The following CACNB3 variants were observed in gnomAD, a reference collection of about 807,000 sequenced individuals.
CACNB3 encodes the protein calcium voltage-gated channel auxiliary subunit beta 3.
A neutral mutation model predicts 63.7 loss-of-function variants in CACNB3; 36 were observed. That is an observed-to-expected ratio of 0.57 (90% CI 0.43 to 0.75). The LOEUF (loss-of-function observed/expected upper bound fraction) is 0.75. Ranked by LOEUF, CACNB3 falls within the 30% of genes least tolerant of loss-of-function variation. CACNB3 has a pLI of 0.00. For synonymous variants in CACNB3, 241 were observed against 250.6 expected, an observed-to-expected ratio of 0.96 and a Z score of 0.36; for missense variants, 493 against 648.6, an observed-to-expected ratio of 0.76 and a Z score of 2.61.
At position 48,823,642 on chromosome 12, in the gene CACNB3, G is replaced by T. The variant is rs773568601; in HGVS notation, c.169-39G>T. 6.2e-7 allele frequency: 1 copy of T among 1,613,716 alleles called. No individual in the cohort carries two copies. The highest frequency in any genetic ancestry group is 1.7e-5 in the Admixed American group (1 of 59,962). ...GCACTGAAGCTGGAAGGGGTGCTTC[G>T]AGCCTTCTCTCACTTGCACTAATGG... On this transcript the variant is annotated intron_variant, in intron 2 of 12. Coordinates refer to ENST00000301050, the MANE Select transcript of CACNB3 (RefSeq NM_000725.4). This position sits in a 1 kb window ranked among gnomAD's most constrained non-coding sequence, Gnocchi z 4.2.
At chr12:48,827,520 G>A (rs761447167) in intron 12 of CACNB3, 65 bp from the exon 13 acceptor site, 29 of 1,412,506 alleles carry the variant, frequency 2.1e-5, no homozygotes, top group African/African-American at 2.8e-5. Context: ...GAAGAATCTC[G>A]CACCTCACCA....
upstream of CACNB3, chr12:48,817,910 G>C (rs1565662597): frequency 6.6e-6 from 1 of 152,318 alleles, no homozygotes; most frequent in Non-Finnish European, 1.5e-5. Context: ...CAGGGAAGTG[G>C]GGAAGGGAAC....
At chr12:48,819,177 G>A (rs552447385) in intron 1 of CACNB3, among the ~76,000 whole-genome samples, 1 of 152,064 alleles carries the variant, frequency 6.6e-6, no homozygotes, top group Non-Finnish European at 1.5e-5. Flanking sequence ...GGCATCGGGT[G>A]TGTGCAGAGA....
intron 1 of CACNB3, chr12:48,819,571 C>G: frequency 2.5e-6 from 1 of 393,728 alleles, no homozygotes; most frequent in Non-Finnish European, 5.1e-6. Flanking sequence ...GTTTCTCTCC[C>G]AGGCTGAAAC....
chr12:48,824,902 CT>C, intron 5 of CACNB3, 46 bp from the exon 6 acceptor site: 4 of 1,610,790 alleles, frequency 2.5e-6, no homozygotes, highest in Non-Finnish European at 2.5e-6. Flanking sequence ...CCCCAGGGAC[CT>C]TTCCCCCTTC....
chr12:48,826,989 A>T lies in CACNB3; in HGVS notation c.1006A>T (p.Ile336Phe). 1 of 1,614,074 alleles carries T rather than the reference A, an allele frequency of 6.2e-7. No individual in the cohort carries two copies. Among genetic ancestry groups the T allele is most frequent in the Non-Finnish European group, 8.5e-7 (1 of 1,180,012 alleles). Residue 336 changes from isoleucine to phenylalanine, a missense_variant, in exon 12 of 13, where the codon ATT becomes TTT. By Grantham distance (21) the Ile-to-Phe change is conservative (BLOSUM62 0). Coordinates refer to ENST00000301050, the MANE Select transcript of CACNB3 (RefSeq NM_000725.4). The surrounding 1 kb of genome is among the most constrained non-coding windows in gnomAD (Gnocchi z 4.8). ...CCCTCCCCAGGAGTCATTTGATGTGATTCTGGATGAGAACCAGCTGGAGGA... is the reference window on the plus strand; with the variant it reads ...CCCTCCCCAGGAGTCATTTGATGTGTTTCTGGATGAGAACCAGCTGGAGGA... ...VQCPPESFDV[I>F]LDENQLEDAC...
chr12:48,826,988 G>T lies in CACNB3; in HGVS notation c.1005G>T (p.Val335=), dbSNP rs781074066. Residue 335 remains valine, a synonymous_variant, in exon 12 of 13, where the codon GTG becomes GTT. Transcript: ENST00000301050. This position sits in a 1 kb window ranked among gnomAD's most constrained non-coding sequence, Gnocchi z 4.8. ...CCCCTCCCCAGGAGTCATTTGATGT[G>T]ATTCTGGATGAGAACCAGCTGGAGG... The part of the protein sequence containing the change: ...LVQCPPESFD[V]ILDENQLEDA... 1 of 1,614,092 alleles carries T rather than the reference G, an allele frequency of 6.2e-7. No individual in the cohort carries two copies. The highest frequency in any genetic ancestry group is 1.1e-5 in the South Asian group (1 of 91,080).
upstream of CACNB3, chr12:48,814,571 T>G: frequency 6.6e-7 from 1 of 1,505,052 alleles, no homozygotes; most frequent in Non-Finnish European, 8.8e-7. The surrounding 1 kb of genome is among the most constrained non-coding windows in gnomAD (Gnocchi z 6.9). Context: ...CGGGCTAGGG[T>G]CCCGGAAGGG....
chr12:48,823,065 G>T lies in CACNB3; in HGVS notation c.46-279G>T, dbSNP rs1937938600. Among the ~76,000 whole-genome samples, 1 of 152,182 alleles carries T rather than the reference G, an allele frequency of 6.6e-6. No individual in the cohort carries two copies. The highest frequency in any genetic ancestry group is 1.5e-5 in the Non-Finnish European group (1 of 68,042). Reference sequence around the variant, plus strand: ...GACATGTTAGAGGGGAGAAAAGGGAGGAAAGAGAGAAGTGAAGGCTCTATT... The same window carrying T: ...GACATGTTAGAGGGGAGAAAAGGGATGAAAGAGAGAAGTGAAGGCTCTATT... On this transcript the variant is annotated intron_variant, in intron 1 of 12. Coordinates refer to ENST00000301050, the MANE Select transcript of CACNB3 (RefSeq NM_000725.4). This position sits in a 1 kb window ranked among gnomAD's most constrained non-coding sequence, Gnocchi z 4.2.
chr12:48,827,529 C>G, intron 12 of CACNB3, 56 bp from the exon 13 acceptor site: 2 of 1,505,058 alleles, frequency 1.3e-6, no homozygotes, highest in Non-Finnish European at 1.8e-6. Context: ...CGCACCTCAC[C>G]AGAAGACAAG....
chr12:48,827,061 A>G lies in CACNB3; in HGVS notation c.1078A>G (p.Thr360Ala), dbSNP rs1316277352. 4 of 1,613,470 alleles carry G rather than the reference A, an allele frequency of 2.5e-6. No individual in the cohort carries two copies. The highest frequency in any genetic ancestry group is 2.2e-5 in the South Asian group (2 of 91,056). Residue 360 changes from threonine to alanine, a missense_variant, in exon 12 of 13, where the codon ACG (threonine) becomes GCG (alanine). Thr to Ala is a moderately conservative substitution (Grantham distance 58, BLOSUM62 0). Transcript: ENST00000301050. The stretch of plus-strand genomic sequence containing the variant: ...GTACCTGGAGGTTTACTGGCGGGCC[A>G]CGCACCACCCAGCCCCTGGCCCCGG... ...AEYLEVYWRA[T>A]HHPAPGPGLL...
upstream of CACNB3, chr12:48,815,521 G>C: frequency 1.4e-6 from 2 of 1,455,348 alleles, no homozygotes; most frequent in Non-Finnish European, 1.8e-6. Context: ...GGAGGAGAAA[G>C]AGGGAGGGAA....
At chr12:48,821,609 CA>C (rs1227536722) in intron 1 of CACNB3, 3 of 152,180 alleles carry the variant, frequency 2.0e-5, no homozygotes, top group Non-Finnish European at 4.4e-5. Context: ...GTATCTGTAC[CA>C]AAGCGAGTGG....
chr12:48,824,037 C>A, intron 3 of CACNB3: 2 of 672,220 alleles, frequency 3.0e-6, no homozygotes, highest in African/African-American at 1.8e-5. Flanking sequence ...GTTAGATTAG[C>A]TGCCTCCGAG....
In CACNB3 at chr12:48,823,685, A is replaced by G; in HGVS notation, c.173A>G (p.Lys58Arg). Residue 58 changes from lysine to arginine, a missense_variant, in exon 3 of 13, where the codon AAA (lysine) becomes AGA (arginine). Coordinates refer to ENST00000301050, the MANE Select transcript of CACNB3 (RefSeq NM_000725.4). This position sits in a 1 kb window ranked among gnomAD's most constrained non-coding sequence, Gnocchi z 4.2. ...AQQQLERAKH[K>R]PVAFAVRTNV... ...ACTAATGGGCAAATTCTCCAGCACA[A>G]ACCTGTGGCATTTGCGGTGAGGACC... 1 of 1,614,132 alleles carries G rather than the reference A, an allele frequency of 6.2e-7. No individual in the cohort carries two copies. Among genetic ancestry groups the G allele is most frequent in the East Asian group, 2.2e-5 (1 of 44,868 alleles).
intron 12 of CACNB3, 24 bp from the exon 13 acceptor site, chr12:48,827,561 T>G: frequency 6.2e-7 from 1 of 1,604,362 alleles, no homozygotes; most frequent in Non-Finnish European, 8.5e-7. Flanking sequence ...ACTGCCTCAC[T>G]GAGAGCTGTT....
chr12:48,825,986 G>A lies in CACNB3; in HGVS notation c.742+217G>A, dbSNP rs377497117. ...CGGGACTACAGGCGCCCATCACCAC[G>A]CCCAGCTAATTTTTGCATTTTTAGT... On this transcript the variant is annotated intron_variant, in intron 9 of 12. Transcript: ENST00000301050. The surrounding 1 kb of genome is among the most constrained non-coding windows in gnomAD (Gnocchi z 4.5). Among the ~76,000 whole-genome samples the A allele has an allele frequency of 1.3e-5, 2 of 152,004 alleles. No homozygotes were observed. Among genetic ancestry groups the A allele is most frequent in the African/African-American group, 4.8e-5 (2 of 41,396 alleles).
chr12:48,818,714 G>A lies in CACNB3; in HGVS notation c.-216G>A, dbSNP rs1937659583. 8.0e-7 allele frequency: 1 copy of A among 1,254,152 alleles called. No individual in the cohort carries two copies. The highest frequency in any genetic ancestry group is 1.0e-6 in the Non-Finnish European group (1 of 994,082). The allele number at this position is 1,254,152 out of a possible 1,614,324, so 77.7% of individuals were successfully genotyped here. On this transcript the variant is annotated 5_prime_UTR_variant, in exon 1 of 13. Transcript: ENST00000301050. This position sits in a 1 kb window ranked among gnomAD's most constrained non-coding sequence, Gnocchi z 4.3. ...AGCCGCGCTCGGGGTGGGACCGGCT[G>A]GGTTTGGGGGGGTGGGGTGGGGGGA...
Position 48,826,805 on chromosome 12 carries a change from A to G in CACNB3, c.941A>G (p.His314Arg). The part of the protein sequence containing the change: ...IRSRGKSQMK[H>R]LTVQMMAYDK... ...TCCCGGGGGAAGTCACAGATGAAGC[A>G]CCTGACCGTACAGATGATGGCATAT... Residue 314 changes from histidine to arginine, a missense_variant, in exon 11 of 13, where the codon CAC becomes CGC. By Grantham distance (29) the His-to-Arg change is conservative. Coordinates refer to ENST00000301050, the MANE Select transcript of CACNB3 (RefSeq NM_000725.4). This position sits in a 1 kb window ranked among gnomAD's most constrained non-coding sequence, Gnocchi z 4.8. 1 of 1,614,118 alleles carries G rather than the reference A, an allele frequency of 6.2e-7. No homozygotes were observed. The highest frequency in any genetic ancestry group is 1.1e-5 in the South Asian group (1 of 91,078).
Sources: gnomAD v4.1 joint callset for allele counts (sites outside exome capture counted in the v4.1 genomes callset) on GRCh38, gnomAD v4.1.1 for gene constraint, Gnocchi (gnomAD v3.1) non-coding constraint, MANE v1.5 for transcripts, NCBI Gene and HGNC (gene_info 2026-07-23, HGNC 2026-07-21) for gene names.